Variants in PMFBP1 observed in about 807,000 individuals in gnomAD.
The protein encoded by PMFBP1 is polyamine modulated factor 1 binding protein 1.
A neutral mutation model predicts 137.8 loss-of-function variants in PMFBP1; 131 were observed. That is an observed-to-expected ratio of 0.95 (90% confidence interval 0.82 to 1.10). The LOEUF is 1.10. Among genes scored for constraint, PMFBP1 ranks in the 50% least tolerant of loss-of-function variants. The probability of loss-of-function intolerance (pLI) is 0.00; values close to 1 mark genes in which losing one functional copy is unlikely to be tolerated. For missense variants in PMFBP1, 1,199 were observed against 1,175.4 expected (o/e 1.02, Z -0.29); for synonymous variants, 490 against 450.4 (o/e 1.09, Z -1.11).
Position 72,154,383 on chromosome 16 carries a change from CT to C in PMFBP1, c.241del (p.Arg81AspfsTer6), listed in dbSNP as rs1176826311. ...EFGSSKQCHLRQLQQLKKKLL... is the reference protein window; with the variant it reads ...EFGSSKQCHLXQLQQLKKKLL... ...TTTTTTCTTCAGTTGCTGGAGTTGT[CT>C]CAGATGACACTGTTTACTGGACCCA... On this transcript the variant is annotated frameshift_variant, in exon 4 of 21. Transcript: ENST00000237353. LOFTEE classifies it high-confidence loss of function. 1.9e-6 allele frequency: 3 copies of C among 1,614,174 alleles called. No homozygotes were observed. The highest frequency in any genetic ancestry group is 2.5e-6 in the Non-Finnish European group (3 of 1,180,016).
chr16:72,126,142 G>C lies in PMFBP1; in HGVS notation c.2089-10C>G. 6.2e-7 allele frequency: 1 copy of C among 1,613,418 alleles called. No individual in the cohort carries two copies. Among genetic ancestry groups the C allele is most frequent in the Admixed American group, 1.7e-5 (1 of 59,924 alleles). Reference sequence around the variant, plus strand: ...CCTTCTGAAGGGCTATCTTTAAGGAGGGAGAGCAGAACTGTCAGGGTGCCA... The same window carrying C: ...CCTTCTGAAGGGCTATCTTTAAGGACGGAGAGCAGAACTGTCAGGGTGCCA... On this transcript the variant is annotated splice_polypyrimidine_tract_variant and intron_variant, in intron 14 of 20. Transcript: ENST00000237353.
chr16:72,133,087 A>T (rs991385075), intron 9 of PMFBP1, 96 bp from the exon 10 acceptor site: 1 of 1,477,266 alleles, frequency 6.8e-7, no homozygotes, highest in Non-Finnish European at 9.2e-7. Context: ...AGCCACTGGC[A>T]TCCCCTGCCT....
chr16:72,124,100 C>T (rs1336394373), intron 17 of PMFBP1, among the ~76,000 whole-genome samples: 1 of 151,938 alleles, frequency 6.6e-6, no homozygotes, highest in Non-Finnish European at 1.5e-5. Flanking sequence ...GCTTAACCTC[C>T]CCCCCGGCTC....
chr16:72,129,153 C>T lies in PMFBP1; in HGVS notation c.1863G>A (p.Glu621=). The change falls in exon 13 of 21, where the codon GAG becomes GAA. Residue 621 remains glutamate (E), a synonymous_variant. Coordinates refer to ENST00000237353, the MANE Select transcript of PMFBP1 (RefSeq NM_031293.3). The part of the protein sequence containing the change: ...EATKLLEDKR[E]QLKKSKEHEK... ...CATGCTCTTTGCTCTTCTTCAACTG[C>T]TCCCGTTTGTCCTCCAGAAGCTTTG... The T allele has an allele frequency of 6.2e-7, 1 of 1,614,246 alleles. No individual in the cohort carries two copies. Among genetic ancestry groups the T allele is most frequent in the African/African-American group, 1.3e-5 (1 of 75,068 alleles).
At chr16:72,206,762 C>T in the PMFBP1 span, among the ~76,000 whole-genome samples, 5 of 152,256 alleles carry the variant, frequency 3.3e-5, no homozygotes, top group South Asian at 4.1e-4. Flanking sequence ...CAACGATTAC[C>T]GTAGCTAAAA....
At chr16:72,120,805 T>A (rs1032420828) in intron 19 of PMFBP1, among the ~76,000 whole-genome samples, 5 of 152,186 alleles carry the variant, frequency 3.3e-5, no homozygotes, top group Non-Finnish European at 7.3e-5. Context: ...ACTCTGCCAC[T>A]TATTAGTTTT....
At chr16:72,165,051 C>G (rs1340123602) in intron 2 of PMFBP1, 135 bp from the exon 3 acceptor site, 4 of 872,700 alleles carry the variant, frequency 4.6e-6, no homozygotes, top group Non-Finnish European at 6.7e-6. Flanking sequence ...ATTACTCATC[C>G]TGTGTAACAT....
At chr16:72,155,736 ATTG>A (rs1438785893) in intron 3 of PMFBP1, among the ~76,000 whole-genome samples, 1 of 152,198 alleles carries the variant, frequency 6.6e-6, no homozygotes, top group East Asian at 1.9e-4. Flanking sequence ...AAATGCAACC[ATTG>A]TTAAGTGTGC....
the PMFBP1 span, among the ~76,000 whole-genome samples, chr16:72,212,147 C>G: frequency 1.3e-5 from 2 of 151,476 alleles, no homozygotes; most frequent in Non-Finnish European, 2.9e-5. Context: ...TCTTTTTAAA[C>G]CCTCATATTG....
chr16:72,147,830 C>A (rs180691625), intron 5 of PMFBP1, among the ~76,000 whole-genome samples: 3,117 of 152,300 alleles, frequency 0.02, 43 homozygotes, highest in African/African-American at 0.025. Context: ...GATACCATCT[C>A]ATGCCAGTTA....
chr16:72,164,776 C>A lies in PMFBP1; in HGVS notation c.153G>T (p.Met51Ile). ...CCAAGTCCCTTACGTGGCTGCTGTT[C>A]ATTGCCTCCTCCATGCAGAGCTGAT... ...QDNQLCMEEA[M>I]NSSHDKKQAQ... The change falls in exon 3 of 21, where the codon ATG (methionine) becomes ATT (isoleucine). Residue 51 changes from methionine to isoleucine, a missense_variant. Met to Ile is a conservative substitution (Grantham distance 10). Coordinates refer to ENST00000237353, the MANE Select transcript of PMFBP1 (RefSeq NM_031293.3). 6.3e-7 allele frequency: 1 copy of A among 1,592,416 alleles called. No individual in the cohort carries two copies. The highest frequency in any genetic ancestry group is 1.1e-5 in the South Asian group (1 of 89,920).
the PMFBP1 span, among the ~76,000 whole-genome samples, chr16:72,214,984 T>C: frequency 6.6e-6 from 1 of 152,178 alleles, no homozygotes; most frequent in Non-Finnish European, 1.5e-5. Flanking sequence ...GTCCTTGAGA[T>C]ATACCTTCAG....
At chr16:72,247,735 A>G in the PMFBP1 span, among the ~76,000 whole-genome samples, 1 of 152,202 alleles carries the variant, frequency 6.6e-6, no homozygotes, top group South Asian at 2.1e-4. Context: ...CTTGGGATAC[A>G]AAGAGCTTAA....
Position 72,119,847 on chromosome 16 carries a change from G to C in PMFBP1, c.3007+4C>G, listed in dbSNP as rs1451313599. On this transcript the variant is annotated splice_donor_region_variant and intron_variant, in intron 20 of 20. Coordinates refer to ENST00000237353, the MANE Select transcript of PMFBP1 (RefSeq NM_031293.3). Reference sequence around the variant, plus strand: ...CTTATTTTTTTGACAAATGGCAGACGTACCCGGGCAGTGGGGCATCCCGAT... The same window carrying C: ...CTTATTTTTTTGACAAATGGCAGACCTACCCGGGCAGTGGGGCATCCCGAT... 1.2e-6 allele frequency: 2 copies of C among 1,611,418 alleles called. No homozygotes were observed. The highest frequency in any genetic ancestry group is 3.4e-5 in the Admixed American group (2 of 59,470).
chr16:72,130,163 A>G (rs753803647), intron 12 of PMFBP1, 50 bp downstream of exon 12: 2 of 1,601,542 alleles, frequency 1.2e-6, no homozygotes, highest in African/African-American at 1.3e-5. Context: ...TCTGTGTTTT[A>G]TCTTAAGCAG....
At chr16:72,159,163 G>A (rs2043025280) in intron 3 of PMFBP1, among the ~76,000 whole-genome samples, 1 of 152,158 alleles carries the variant, frequency 6.6e-6, no homozygotes, top group African/African-American at 2.4e-5. Flanking sequence ...CCAGAAGAAT[G>A]AGAGAAATGC....
At position 72,168,506 on chromosome 16, in the gene PMFBP1, G is replaced by A. The variant is rs143574508; in HGVS notation, c.12+2691C>T. On this transcript the variant is annotated intron_variant, in intron 2 of 20. Transcript: ENST00000237353. ...GCCTTTTGAGTATCAACATGCAATA[G>A]GGATAGATTTAATCTGACATTTCAT... Among the ~76,000 whole-genome samples the A allele has an allele frequency of 5.9e-5, 9 of 152,314 alleles. 1 individual carries two copies. The highest frequency in any genetic ancestry group is 2.2e-4 in the African/African-American group (9 of 41,564).
At chr16:72,246,815 A>G in the PMFBP1 span, among the ~76,000 whole-genome samples, 3 of 152,236 alleles carry the variant, frequency 2.0e-5, no homozygotes, top group South Asian at 6.2e-4. Context: ...GGCATGGACC[A>G]TCTTATTTAC....
At chr16:72,200,644 G>A in the PMFBP1 span, among the ~76,000 whole-genome samples, 1 of 152,332 alleles carries the variant, frequency 6.6e-6, no homozygotes, top group Non-Finnish European at 1.5e-5. Context: ...GTGCTATTAT[G>A]CTAATATCTG....
Sources: gnomAD v4.1 joint callset for allele counts (sites outside exome capture counted in the v4.1 genomes callset) on GRCh38, gnomAD v4.1.1 for gene constraint, MANE v1.5 for transcripts, NCBI Gene and HGNC (gene_info 2026-07-23, HGNC 2026-07-21) for gene names.